Variants in DNAJC13 observed in about 807,000 individuals in gnomAD.
DNAJC13 encodes dnaJ homolog subfamily C member 13.
DNAJC13 carries 75 observed loss-of-function variants against 290.5 expected under a neutral mutation model. The ratio of observed to expected loss-of-function variants is 0.26; its 90% CI spans 0.21 to 0.31. The LOEUF (loss-of-function observed/expected upper bound fraction) is 0.31. DNAJC13 is among the 10% of genes least tolerant of loss of function. The pLI is 1.00. For missense variants in DNAJC13, 2,260 were observed against 2,674.5 expected (o/e 0.85, Z 3.42); for synonymous variants, 862 against 892.0 (o/e 0.97, Z 0.60).
At chr3:132,530,884 TG>T (rs1341703197) in intron 54 of DNAJC13, 113 bp from the exon 55 acceptor site, 6 of 776,780 alleles carry the variant, frequency 7.7e-6, no homozygotes, top group Non-Finnish European at 8.8e-6. Context: ...GCTCCATATT[TG>T]GGTCTTTCCT....
chr3:132,527,447 T>A (rs954774050), intron 53 of DNAJC13, among the ~76,000 whole-genome samples: 1 of 152,200 alleles, frequency 6.6e-6, no homozygotes, highest in Non-Finnish European at 1.5e-5. Flanking sequence ...CTCAAGGAGA[T>A]ACTGGATGCT....
At position 132,450,523 on chromosome 3, in the gene DNAJC13, A is replaced by G. The variant is rs532382894; in HGVS notation, c.337-124A>G. On this transcript the variant is annotated intron_variant, in intron 5 of 55. Transcript: ENST00000260818. ...TCATAGTTTTAACAATTTGGATAGT[A>G]GCTCTAAATATTTACGATGACAGTT... 1.1e-5 allele frequency: 7 copies of G among 624,754 alleles called. No homozygotes were observed. In the East Asian group the frequency reaches 1.4e-4, roughly 13 times the overall value. The allele number at this position is 624,754 out of a possible 1,614,324, so 38.7% of individuals were successfully genotyped here.
rs1184394156 is a variant in DNAJC13, at chr3:132,447,303, A to AT, written c.145-18_145-17insT. 7.9e-6 allele frequency: 12 copies of AT among 1,524,508 alleles called. No homozygotes were observed. Among genetic ancestry groups the AT allele is most frequent in the East Asian group, 2.4e-5 (1 of 41,990 alleles). The allele number at this position is 1,524,508 out of a possible 1,614,324, so 94.4% of individuals were successfully genotyped here. On this transcript the variant is annotated splice_polypyrimidine_tract_variant and intron_variant, in intron 3 of 55. Transcript: ENST00000260818. ...ACTGTATTATAGTAGCACCAGTCAA[A>AT]ATTTTTTTTTTTTTAAGTGGCCTTA... is the stretch of plus-strand genomic sequence containing the variant.
At chr3:132,460,722 C>G (rs1933763675) in intron 14 of DNAJC13, among the ~76,000 whole-genome samples, 1 of 152,176 alleles carries the variant, frequency 6.6e-6, no homozygotes, top group South Asian at 2.1e-4. Flanking sequence ...CTTGAAGGAA[C>G]ATAAGCAGAT....
At chr3:132,493,170 A>C (rs1406288700) in intron 33 of DNAJC13, among the ~76,000 whole-genome samples, 2 of 148,832 alleles carry the variant, frequency 1.3e-5, no homozygotes, top group Non-Finnish European at 3.0e-5. Context: ...AATGAGTGCG[A>C]CCTGCTCATT....
At chr3:132,433,262 C>T (rs1255434660) in intron 1 of DNAJC13, among the ~76,000 whole-genome samples, 1 of 152,138 alleles carries the variant, frequency 6.6e-6, no homozygotes, top group Non-Finnish European at 1.5e-5. Flanking sequence ...AACAGAATCT[C>T]ACTCTATCAC....
chr3:132,502,421 A>G lies in DNAJC13; in HGVS notation c.4669A>G (p.Thr1557Ala). 6.2e-7 allele frequency: 1 copy of G among 1,613,742 alleles called. No homozygotes were observed. The highest frequency in any genetic ancestry group is 8.5e-7 in the Non-Finnish European group (1 of 1,179,894). Residue 1557 changes from threonine to alanine, a missense_variant, in exon 40 of 56, where the codon ACA (threonine) becomes GCA (alanine). By Grantham distance (58) the Thr-to-Ala change is moderately conservative. Coordinates refer to ENST00000260818, the MANE Select transcript of DNAJC13 (RefSeq NM_015268.4). ...LLGFLFNYDYTLEESGIQKSE... is the reference protein window; with the variant it reads ...LLGFLFNYDYALEESGIQKSE... ...TGGTTTTCTGTTTAATTATGACTAC[A>G]CACTAGAAGAGAGTGGCATTCAGAA...
At chr3:132,467,356 G>C in intron 20 of DNAJC13, 43 bp downstream of exon 20, 1 of 1,603,056 alleles carries the variant, frequency 6.2e-7, no homozygotes, top group Non-Finnish European at 8.5e-7. Flanking sequence ...ACTTCTGTGT[G>C]TCCTAGTCTA....
intron 31 of DNAJC13, among the ~76,000 whole-genome samples, chr3:132,489,687 A>G (rs1228103701): frequency 4.6e-5 from 7 of 152,260 alleles, no homozygotes; most frequent in Non-Finnish European, 8.8e-5. Context: ...AAGACTAACC[A>G]AGGAATGTTG....
chr3:132,422,017 T>C (rs1485862377), intron 1 of DNAJC13, among the ~76,000 whole-genome samples: 1 of 151,766 alleles, frequency 6.6e-6, no homozygotes, highest in Non-Finnish European at 1.5e-5. Context: ...TTTGGACTTC[T>C]GGACTTTTTT....
intron 2 of DNAJC13, 32 bp downstream of exon 2, chr3:132,434,650 G>A: frequency 6.5e-7 from 1 of 1,539,484 alleles, no homozygotes; most frequent in South Asian, 1.2e-5. Context: ...TTTTTTCTGT[G>A]CTTCTATAAA....
chr3:132,474,704 A>C (rs974501858), intron 21 of DNAJC13, among the ~76,000 whole-genome samples: 2 of 151,282 alleles, frequency 1.3e-5, no homozygotes, highest in African/African-American at 4.9e-5. Context: ...AGGTAAAAGA[A>C]TTTTGCAGTG....
At chr3:132,454,267 G>A in intron 9 of DNAJC13, 110 bp downstream of exon 9, 1 of 754,942 alleles carries the variant, frequency 1.3e-6, no homozygotes, top group African/African-American at 1.9e-5. Context: ...CATTTAATTT[G>A]GGAAAAGACA....
At chr3:132,453,960 C>T in intron 8 of DNAJC13, 106 bp from the exon 9 acceptor site, 1 of 914,504 alleles carries the variant, frequency 1.1e-6, no homozygotes. Flanking sequence ...AAACAAGTCA[C>T]ATCTTAAAAT....
At chr3:132,434,768 A>C in intron 2 of DNAJC13, 150 bp downstream of exon 2, 1 of 516,076 alleles carries the variant, frequency 1.9e-6, no homozygotes, top group African/African-American at 2.0e-5. Context: ...TAAATGCTAC[A>C]TGTATTTTTT....
At chr3:132,496,507 A>C in intron 35 of DNAJC13, 21 bp from the exon 36 acceptor site, 1 of 1,552,322 alleles carries the variant, frequency 6.4e-7, no homozygotes, top group Non-Finnish European at 8.7e-7. Flanking sequence ...TTAACGTTAA[A>C]TTATCTTCTG....
At chr3:132,513,228 A>G (rs1576512762) in intron 45 of DNAJC13, 129 bp downstream of exon 45, 1 of 708,284 alleles carries the variant, frequency 1.4e-6, no homozygotes, top group Non-Finnish European at 2.4e-6. Flanking sequence ...ATTAAGACAC[A>G]TCAATATTTT....
intron 1 of DNAJC13, among the ~76,000 whole-genome samples, chr3:132,430,300 G>A (rs1417847814): frequency 6.6e-6 from 1 of 151,108 alleles, no homozygotes; most frequent in Non-Finnish European, 1.5e-5. Flanking sequence ...CATTCTTTAG[G>A]TGTTTATTTT....
intron 26 of DNAJC13, among the ~76,000 whole-genome samples, 156 bp from the exon 27 acceptor site, chr3:132,482,070 A>C (rs1453231451): frequency 1.3e-5 from 2 of 152,220 alleles, no homozygotes; most frequent in African/African-American, 4.8e-5. Context: ...TTTTGTCCTA[A>C]ACTCTTAAAT....
Sources: gnomAD v4.1 joint callset for allele counts (sites outside exome capture counted in the v4.1 genomes callset) on GRCh38, gnomAD v4.1.1 for gene constraint, MANE v1.5 for transcripts, NCBI Gene and HGNC (gene_info 2026-07-23, HGNC 2026-07-21) for gene names.